Variants in ATP8A1 observed in about 807,000 individuals in gnomAD.
ATP8A1 encodes phospholipid-transporting ATPase IA.
In ATP8A1, 90 loss-of-function variants were observed where a neutral mutation model predicts 177.7. The ratio of observed to expected loss-of-function variants is 0.51; its 90% CI spans 0.43 to 0.60. The LOEUF is 0.60. Among genes scored for constraint, ATP8A1 ranks in the 20% least tolerant of loss-of-function variants. The probability of loss-of-function intolerance (pLI) is 0.00; values close to 1 mark genes in which losing one functional copy is unlikely to be tolerated. For missense variants in ATP8A1, 1,072 were observed against 1,392.8 expected, an observed-to-expected ratio of 0.77 and a Z score of 3.67; for synonymous variants, 493 against 485.9, an observed-to-expected ratio of 1.01 and a Z score of -0.19.
In ATP8A1 at chr4:42,622,216, GA is replaced by G. The variant is rs3046095; in HGVS notation, c.363+2319del. ...CATGGCAAAACCCTGTCTCTACTAG[GA>G]AAAAAAAAAAAAAAATTAGCCGGGA... On this transcript the variant is annotated intron_variant, in intron 4 of 36. Transcript: ENST00000381668. Among the ~76,000 whole-genome samples, 514 of 137,658 alleles carry G rather than the reference GA, an allele frequency of 3.7e-3. 1 individual carries two copies. The highest frequency in any genetic ancestry group is 4.2e-3 in the Non-Finnish European group (269 of 63,854). The allele number at this position is 137,658 out of a possible 152,430, so 90.3% of individuals were successfully genotyped here.
intron 15 of ATP8A1, among the ~76,000 whole-genome samples, chr4:42,557,938 A>C (rs1294862253): frequency 6.6e-6 from 1 of 152,150 alleles, no homozygotes; most frequent in Non-Finnish European, 1.5e-5. Context: ...GAGGCATGAG[A>C]ATCGCTTGAA....
intron 12 of ATP8A1, among the ~76,000 whole-genome samples, chr4:42,576,401 G>A (rs928198325): frequency 2.1e-5 from 3 of 145,094 alleles, no homozygotes; most frequent in Admixed American, 7.1e-5. Context: ...GCGTGAACCC[G>A]GGTGGCAAAG....
At chr4:42,514,281 G>A (rs1453098004) in intron 22 of ATP8A1, among the ~76,000 whole-genome samples, 2 of 152,168 alleles carry the variant, frequency 1.3e-5, no homozygotes, top group Non-Finnish European at 2.9e-5. Flanking sequence ...TGTGAGAGGT[G>A]ATTGGGTGTA....
intron 33 of ATP8A1, among the ~76,000 whole-genome samples, chr4:42,440,262 TGCAATACAACA>T (rs909397308): frequency 6.6e-6 from 1 of 151,922 alleles, no homozygotes; most frequent in African/African-American, 2.4e-5. Context: ...CTAAGCGGCT[TGCAATACAACA>T]GTCAGAGTCC....
chr4:42,606,388 G>C (rs1239927801), intron 5 of ATP8A1, among the ~76,000 whole-genome samples: 1 of 152,152 alleles, frequency 6.6e-6, no homozygotes. Flanking sequence ...TTTCAGGAAA[G>C]CCCAGGCAAA....
At chr4:42,556,159 A>G (rs1730215700) in intron 15 of ATP8A1, 119 bp from the exon 16 acceptor site, 1 of 574,458 alleles carries the variant, frequency 1.7e-6, no homozygotes, top group East Asian at 3.3e-5. Context: ...ATTAAATGTA[A>G]TTTGGCCTGC....
chr4:42,507,729 CAA>C (rs34269384), intron 22 of ATP8A1, among the ~76,000 whole-genome samples: 133 of 8,898 alleles, frequency 0.015, 1 homozygote, highest in African/African-American at 0.032. Flanking sequence ...GACTCCATCT[CAA>C]AAAAAAAAAA....
At chr4:42,534,259 A>G (rs1440071542) in intron 20 of ATP8A1, among the ~76,000 whole-genome samples, 1 of 152,232 alleles carries the variant, frequency 6.6e-6, no homozygotes, top group Admixed American at 6.5e-5. Flanking sequence ...TCTAACTTAA[A>G]TAAATCCAAA....
chr4:42,560,884 A>T (rs1258428496), intron 15 of ATP8A1, among the ~76,000 whole-genome samples: 1 of 152,106 alleles, frequency 6.6e-6, no homozygotes, highest in Admixed American at 6.5e-5. Flanking sequence ...AACCACAATT[A>T]CTTTTGCACC....
chr4:42,537,698 T>C (rs1004295489), intron 20 of ATP8A1, among the ~76,000 whole-genome samples: 1 of 152,166 alleles, frequency 6.6e-6, no homozygotes, highest in Non-Finnish European at 1.5e-5. Context: ...GGAATATACC[T>C]GACCAAGGAG....
chr4:42,653,269 A>C (rs886475893), intron 1 of ATP8A1, among the ~76,000 whole-genome samples: 1 of 137,346 alleles, frequency 7.3e-6, no homozygotes, highest in African/African-American at 2.7e-5. Context: ...CCCACCTTAA[A>C]CATTTTGCTT....
intron 20 of ATP8A1, among the ~76,000 whole-genome samples, chr4:42,527,434 C>T (rs1338630011): frequency 6.6e-6 from 1 of 152,008 alleles, no homozygotes; most frequent in Non-Finnish European, 1.5e-5. Flanking sequence ...TAACAGCTTC[C>T]CCATCCCCAG....
intron 24 of ATP8A1, among the ~76,000 whole-genome samples, chr4:42,497,793 T>C (rs1482258321): frequency 6.6e-6 from 1 of 152,256 alleles, no homozygotes; most frequent in African/African-American, 2.4e-5. Flanking sequence ...TTTTCATTTT[T>C]TGGTAATGTT....
In ATP8A1 at chr4:42,522,214, T is replaced by G; in HGVS notation, c.1893A>C (p.Thr631=). ...EWRAVYQRAS[T]SVQNRLLKLE... ...GTTTGAGTAGCCTGTTCTGCACAGA[T>G]GTAGATGCTCGCTGATAGACTGCTC... Residue 631 remains threonine (T), a synonymous_variant, in exon 22 of 37, where the codon ACA becomes ACC. Transcript: ENST00000381668. 1 of 1,613,808 alleles carries G rather than the reference T, an allele frequency of 6.2e-7. No homozygotes were observed. The highest frequency in any genetic ancestry group is 8.5e-7 in the Non-Finnish European group (1 of 1,179,900).
At chr4:42,520,866 A>G (rs1014779083) in intron 22 of ATP8A1, among the ~76,000 whole-genome samples, 1 of 152,212 alleles carries the variant, frequency 6.6e-6, no homozygotes, top group Non-Finnish European at 1.5e-5. Flanking sequence ...AGAAACAATC[A>G]CCTTCCATAA....
chr4:42,416,494 G>A (rs375439098), intron 35 of ATP8A1, among the ~76,000 whole-genome samples: 45 of 152,162 alleles, frequency 3.0e-4, no homozygotes, highest in African/African-American at 8.2e-4. Flanking sequence ...ACATAATTCC[G>A]TTTTGTACAG....
chr4:42,539,409 A>C, intron 20 of ATP8A1, among the ~76,000 whole-genome samples: 1 of 137,748 alleles, frequency 7.3e-6, no homozygotes, highest in African/African-American at 2.6e-5. Flanking sequence ...CCCCCCCAAC[A>C]AAAACAAAAT....
chr4:42,610,901 G>A (rs929079237), intron 5 of ATP8A1, among the ~76,000 whole-genome samples: 1 of 152,120 alleles, frequency 6.6e-6, no homozygotes, highest in South Asian at 2.1e-4. Flanking sequence ...AGATGTGGGG[G>A]TACCTCCAGA....
intron 1 of ATP8A1, among the ~76,000 whole-genome samples, chr4:42,648,674 T>A (rs1473640789): frequency 2.0e-5 from 3 of 152,034 alleles, no homozygotes; most frequent in Non-Finnish European, 4.4e-5. Flanking sequence ...TTATACTTCA[T>A]AAAAATTAAT....
Sources: gnomAD v4.1 joint callset for allele counts (sites outside exome capture counted in the v4.1 genomes callset) on GRCh38, gnomAD v4.1.1 for gene constraint, MANE v1.5 for transcripts, NCBI Gene and HGNC (gene_info 2026-07-23, HGNC 2026-07-21) for gene names.